ERLIN2: variants seen among roughly 807,000 people sequenced by gnomAD.
The protein encoded by ERLIN2 is ER lipid raft associated 2, also known as erlin-2.
In ERLIN2, 22 loss-of-function variants were observed where a neutral mutation model predicts 41.5. The ratio of observed to expected loss-of-function variants is 0.53; its 90% CI spans 0.38 to 0.76. The LOEUF (loss-of-function observed/expected upper bound fraction) is 0.76, where lower values mean the gene tolerates loss of function less well. ERLIN2 is among the 30% of genes least tolerant of loss of function. ERLIN2 has a pLI of 0.00. For synonymous variants in ERLIN2, 149 were observed against 150.9 expected (o/e 0.99, Z 0.09); for missense variants, 247 against 414.3 (o/e 0.60, Z 3.51).
In ERLIN2 at chr8:37,749,616, C is replaced by G. The variant is rs1803169192; in HGVS notation, c.482C>G (p.Pro161Arg). The G allele has an allele frequency of 6.2e-7, 1 of 1,613,500 alleles. No homozygotes were observed. The highest frequency in any genetic ancestry group is 8.5e-7 in the Non-Finnish European group (1 of 1,179,350). The stretch of plus-strand genomic sequence containing the variant: ...CAACAGGACCTGACCTCCATGGCCC[C>G]TGGGCTGGTCATTCAAGTAAGCATT... ...ALQQDLTSMA[P>R]GLVIQAVRVT... The change falls in exon 7 of 12, where the codon CCT becomes CGT. Residue 161 changes from proline (P) to arginine (R), a missense_variant. Around this residue, in one of 3 missense-constraint regions of ERLIN2, gnomAD observed 153 missense variants for 256.4 expected, o/e 0.60. Coordinates refer to ENST00000519638, the MANE Select transcript of ERLIN2 (RefSeq NM_007175.8).
Position 37,755,569 on chromosome 8 carries a change from A to ACCCCCCCCCCCCC in ERLIN2, c.*1466_*1467insCCCCCCCCCCCCC, listed in dbSNP as rs1305006911. On this transcript the variant is annotated 3_prime_UTR_variant, in exon 12 of 12. Coordinates refer to ENST00000519638, the MANE Select transcript of ERLIN2 (RefSeq NM_007175.8). ...AGCTGACCCCCACCCCCCACCCCCC[A>ACCCCCCCCCCCCC]CCCCCCCCCCCCGCCAACTCCTATA... 5.2e-5 allele frequency: 3 copies of ACCCCCCCCCCCCC among 57,606 alleles called. No individual in the cohort carries two copies. The highest frequency in any genetic ancestry group is 9.6e-5 in the Non-Finnish European group (3 of 31,136). The allele number at this position is 57,606 out of a possible 1,614,324, so 3.6% of individuals were successfully genotyped here.
intron 6 of ERLIN2, chr8:37,746,588 A>C: frequency 1.1e-6 from 1 of 908,022 alleles, no homozygotes; most frequent in South Asian, 5.1e-5. Flanking sequence ...TTAATCTATA[A>C]TGTATCCCTC....
intron 6 of ERLIN2, chr8:37,744,987 T>C (rs2129683501): frequency 1.6e-6 from 1 of 607,660 alleles, no homozygotes; most frequent in East Asian, 2.7e-5. Flanking sequence ...TTCCCACTGT[T>C]CCTAAACTAT....
chr8:37,739,166 GAT>G, intron 2 of ERLIN2, among the ~76,000 whole-genome samples: 1 of 152,166 alleles, frequency 6.6e-6, no homozygotes, highest in Non-Finnish European at 1.5e-5. Context: ...CTTGTTTCTG[GAT>G]TGCTAACAGC....
At chr8:37,740,072 G>A (rs142394929) in intron 2 of ERLIN2, among the ~76,000 whole-genome samples, 3 of 152,044 alleles carry the variant, frequency 2.0e-5, no homozygotes, top group Non-Finnish European at 2.9e-5. Flanking sequence ...CCTCAGCCCC[G>A]CAAAGCGCTG....
chr8:37,745,632 T>C (rs966036253), intron 6 of ERLIN2: 1 of 1,613,966 alleles, frequency 6.2e-7, no homozygotes, highest in Non-Finnish European at 8.5e-7. Flanking sequence ...ACATTTTTCA[T>C]AGCAGACAGG....
intron 6 of ERLIN2, chr8:37,745,986 A>G (rs1308255536): frequency 9.8e-7 from 1 of 1,019,798 alleles, no homozygotes; most frequent in Non-Finnish European, 1.2e-6. Flanking sequence ...AGGAAATTAA[A>G]ATACAAAGTT....
intron 2 of ERLIN2, 84 bp from the exon 3 acceptor site, chr8:37,740,281 A>G (rs768487524): frequency 4.4e-6 from 4 of 899,882 alleles, no homozygotes; most frequent in Non-Finnish European, 7.5e-6. Flanking sequence ...ATAGGGCTGA[A>G]GGGAAAGTTG....
intron 4 of ERLIN2, among the ~76,000 whole-genome samples, chr8:37,742,388 G>T (rs1440312443): frequency 6.8e-6 from 1 of 146,710 alleles, no homozygotes; most frequent in African/African-American, 2.5e-5. Context: ...CAATAACAAA[G>T]ACATGGAATC....
rs1166886169 is a variant in ERLIN2, at chr8:37,740,339, G to A, written c.108-26G>A. ...AGAGCCTTCTTGCCAAACTGAAGCT[G>A]CCTCTCTCTTCCCCCTCCTCTGCAG... On this transcript the variant is annotated intron_variant, in intron 2 of 11. Transcript: ENST00000519638. 3 of 1,585,652 alleles carry A rather than the reference G, an allele frequency of 1.9e-6. No individual in the cohort carries two copies. In the African/African-American group the frequency reaches 4.0e-5, roughly 21 times the overall value.
chr8:37,743,907 CTT>C, intron 4 of ERLIN2, among the ~76,000 whole-genome samples: 1 of 152,214 alleles, frequency 6.6e-6, no homozygotes, highest in Non-Finnish European at 1.5e-5. Context: ...TGTTTGAAAT[CTT>C]TTTATAATAA....
intron 6 of ERLIN2, chr8:37,747,938 C>T (rs1403297850): frequency 2.5e-6 from 4 of 1,614,076 alleles, no homozygotes; most frequent in Non-Finnish European, 3.4e-6. Flanking sequence ...GGCTTCTCGC[C>T]GTCGTCATAT....
At chr8:37,751,920 G>A (rs958030033) in intron 10 of ERLIN2, among the ~76,000 whole-genome samples, 9 of 152,222 alleles carry the variant, frequency 5.9e-5, no homozygotes, top group African/African-American at 1.7e-4. Context: ...GAGAGCATTT[G>A]TTCATTCAGC....
In ERLIN2 at chr8:37,741,900, A is replaced by G; in HGVS notation, c.236+82A>G. The G allele has an allele frequency of 9.4e-7, 1 of 1,061,368 alleles. No individual in the cohort carries two copies. Among genetic ancestry groups the G allele is most frequent in the Non-Finnish European group, 1.5e-6 (1 of 678,748 alleles). 65.7% of individuals were successfully genotyped at this position (1,061,368 alleles called of 1,614,324 possible). A position where few individuals can be genotyped will look rare whatever the true frequency, so the allele number is the denominator to read the frequency against. On this transcript the variant is annotated intron_variant, in intron 4 of 11. Transcript: ENST00000519638. The surrounding 1 kb of genome is among the most constrained non-coding windows in gnomAD (Gnocchi z 4.8). Reference sequence around the variant, plus strand: ...GGCTGGTTGCAGGAAGAGACAGTGAAAAGGGAGGCACCCTTTCTTGGTTAA... The same window carrying G: ...GGCTGGTTGCAGGAAGAGACAGTGAGAAGGGAGGCACCCTTTCTTGGTTAA...
At chr8:37,744,524 T>C (rs1319266376) in intron 5 of ERLIN2, 47 bp from the exon 6 acceptor site, 1 of 1,613,916 alleles carries the variant, frequency 6.2e-7, no homozygotes, top group South Asian at 1.1e-5. Flanking sequence ...CTGAGGGCAT[T>C]TTGAGTCTTG....
intron 6 of ERLIN2, chr8:37,747,984 C>T (rs1563315382): frequency 6.2e-7 from 1 of 1,614,206 alleles, no homozygotes; most frequent in Non-Finnish European, 8.5e-7. Flanking sequence ...AGACTACTGA[C>T]CGAGACACTA....
Position 37,753,743 on chromosome 8 carries a change from C to T in ERLIN2, c.820-172C>T, listed in dbSNP as rs11781156. On this transcript the variant is annotated intron_variant, in intron 11 of 11. Transcript: ENST00000519638. ...TTGTGTTAAACATGGAAACTTTTAA[C>T]TTTTGCACCTATGCTCCAAGATCTG... Among the ~76,000 whole-genome samples, 2,458 of 152,290 alleles carry T rather than the reference C, an allele frequency of 0.016. 32 individuals are homozygous for T. The highest frequency in any genetic ancestry group is 0.024 in the Middle Eastern group (7 of 292).
intron 8 of ERLIN2, 69 bp from the exon 9 acceptor site, chr8:37,750,326 C>A: frequency 8.0e-7 from 1 of 1,242,286 alleles, no homozygotes. Context: ...CAGAAGAATT[C>A]GACTTACCTG....
chr8:37,745,807 G>T, intron 6 of ERLIN2: 2 of 1,357,346 alleles, frequency 1.5e-6, no homozygotes, highest in South Asian at 2.0e-5. Flanking sequence ...GATTCACTGT[G>T]CTTTTAAGAA....
Sources: gnomAD v4.1 joint callset for allele counts (sites outside exome capture counted in the v4.1 genomes callset) on GRCh38, gnomAD v4.1.1 for gene constraint, gnomAD v4.1.1 regional missense constraint, Gnocchi (gnomAD v3.1) non-coding constraint, MANE v1.5 for transcripts, NCBI Gene and HGNC (gene_info 2026-07-23, HGNC 2026-07-21) for gene names.